Variants in INPP4B observed in about 807,000 individuals in gnomAD.
INPP4B encodes the protein inositol polyphosphate-4-phosphatase type II B.
INPP4B carries 55 observed loss-of-function variants against 122.5 expected under a neutral mutation model. That is an observed-to-expected ratio of 0.45 (90% CI 0.36 to 0.56). INPP4B has a LOEUF of 0.56. INPP4B is among the 20% of genes least tolerant of loss of function. INPP4B has a pLI of 0.00. For synonymous variants in INPP4B, 403 were observed against 388.7 expected, an observed-to-expected ratio of 1.04 and a Z score of -0.43; for missense variants, 1,000 against 1,097.7, an observed-to-expected ratio of 0.91 and a Z score of 1.26.
At chr4:142,588,063 AC>A (rs1736622577) in intron 2 of INPP4B, among the ~76,000 whole-genome samples, 1 of 151,956 alleles carries the variant, frequency 6.6e-6, no homozygotes, top group Non-Finnish European at 1.5e-5. Flanking sequence ...AATAAGAAAA[AC>A]GATATGATTT....
At chr4:142,473,194 C>G (rs1004533482) in intron 2 of INPP4B, 2 of 152,176 alleles carry the variant, frequency 1.3e-5, no homozygotes, top group Admixed American at 6.5e-5. Context: ...AAATGGCAGA[C>G]TAGAAGCCGC....
chr4:142,036,568 G>A (rs1744105494), intron 25 of INPP4B, among the ~76,000 whole-genome samples: 1 of 151,996 alleles, frequency 6.6e-6, no homozygotes, highest in East Asian at 1.9e-4. Flanking sequence ...TATGCCAGAT[G>A]GCTTTATTTT....
At chr4:142,808,097 A>G (rs145363991) in intron 1 of INPP4B, among the ~76,000 whole-genome samples, 2 of 138,182 alleles carry the variant, frequency 1.4e-5, no homozygotes, top group East Asian at 4.1e-4. Flanking sequence ...GACCTTCATG[A>G]TAAAATACAC....
intron 2 of INPP4B, among the ~76,000 whole-genome samples, chr4:142,610,426 T>C (rs1354649614): frequency 6.6e-6 from 1 of 152,154 alleles, no homozygotes; most frequent in Non-Finnish European, 1.5e-5. Flanking sequence ...CATCTGAGGG[T>C]AGTGACTACT....
intron 7 of INPP4B, among the ~76,000 whole-genome samples, chr4:142,342,687 T>C (rs1226682393): frequency 6.6e-6 from 1 of 152,170 alleles, no homozygotes; most frequent in East Asian, 1.9e-4. Context: ...AGCATTTTCA[T>C]AATATGTAAC....
intron 2 of INPP4B, among the ~76,000 whole-genome samples, chr4:142,512,432 A>G (rs140239392): frequency 3.9e-4 from 59 of 152,312 alleles, no homozygotes; most frequent in Admixed American, 2.9e-3. Flanking sequence ...TTCCAAGTGA[A>G]TCACCATTTG....
intron 23 of INPP4B, among the ~76,000 whole-genome samples, chr4:142,103,502 G>A (rs1298802812): frequency 1.3e-5 from 2 of 151,874 alleles, no homozygotes; most frequent in Non-Finnish European, 2.9e-5. Context: ...ACTATACAAC[G>A]AGTGTCAGAA....
rs141127197 is a variant in INPP4B at position 142,416,166 on chromosome 4, G to A, written c.137-10842C>T. The stretch of plus-strand genomic sequence containing the variant: ...CTTAAAGTATAATAAAAAAAATAGT[G>A]TCAGGCAGGTATTTAGGAGTTTGAG... On this transcript the variant is annotated intron_variant, in intron 5 of 25. Coordinates refer to ENST00000262992, the MANE Select transcript of INPP4B (RefSeq NM_001101669.3). Among the ~76,000 whole-genome samples, 22 of 152,110 alleles carry A rather than the reference G, an allele frequency of 1.4e-4. No individual in the cohort carries two copies. The East Asian group carries it at 4.3e-3, about 29-fold the overall frequency.
chr4:142,599,411 C>T (rs924417353), intron 2 of INPP4B, among the ~76,000 whole-genome samples: 1 of 152,196 alleles, frequency 6.6e-6, no homozygotes, highest in African/African-American at 2.4e-5. Context: ...ATCACAGATA[C>T]TACTGATGCT....
chr4:142,769,915 A>G (rs1580872968), intron 1 of INPP4B, among the ~76,000 whole-genome samples: 1 of 152,270 alleles, frequency 6.6e-6, no homozygotes, highest in East Asian at 1.9e-4. Flanking sequence ...CCCTGTCTCA[A>G]AAAAATAAAA....
chr4:142,675,139 T>C (rs942611302), intron 2 of INPP4B, among the ~76,000 whole-genome samples: 1 of 151,664 alleles, frequency 6.6e-6, no homozygotes, highest in Non-Finnish European at 1.5e-5. Context: ...AAGAATCAAA[T>C]AGATGCAATG....
At chr4:142,711,041 C>T (rs2150795606) in intron 2 of INPP4B, among the ~76,000 whole-genome samples, 1 of 152,302 alleles carries the variant, frequency 6.6e-6, no homozygotes, top group South Asian at 2.1e-4. Flanking sequence ...TGCAACATGT[C>T]CCTTCCAACA....
At chr4:142,353,449 TG>T (rs1228413938) in intron 7 of INPP4B, among the ~76,000 whole-genome samples, 3 of 152,024 alleles carry the variant, frequency 2.0e-5, no homozygotes, top group Non-Finnish European at 4.4e-5. Flanking sequence ...TTTGTGGGAC[TG>T]AAGCTTTCAG....
intron 1 of INPP4B, among the ~76,000 whole-genome samples, chr4:142,819,251 C>T (rs1043269718): frequency 2.0e-5 from 3 of 152,186 alleles, no homozygotes; most frequent in Non-Finnish European, 4.4e-5. Context: ...AGACCAAAAG[C>T]CCTAAAGGGC....
At chr4:142,776,486 A>C (rs1773939826) in intron 1 of INPP4B, among the ~76,000 whole-genome samples, 1 of 152,140 alleles carries the variant, frequency 6.6e-6, no homozygotes, top group Admixed American at 6.6e-5. Context: ...GAAGCTAATG[A>C]AGCTTCAGTG....
intron 2 of INPP4B, among the ~76,000 whole-genome samples, chr4:142,556,999 G>T (rs1002507567): frequency 4.6e-5 from 7 of 152,084 alleles, no homozygotes; most frequent in Non-Finnish European, 1.0e-4. Context: ...AAGCTGCCCT[G>T]TCGTGACCAC....
intron 2 of INPP4B, among the ~76,000 whole-genome samples, chr4:142,636,768 T>A (rs759007881): frequency 1.4e-4 from 21 of 152,130 alleles, no homozygotes; most frequent in Admixed American, 3.9e-4. Context: ...GTCCATTTAT[T>A]AGCTCCCTTT....
chr4:142,354,862 C>T (rs556273866), intron 7 of INPP4B, among the ~76,000 whole-genome samples: 16 of 152,046 alleles, frequency 1.1e-4, no homozygotes, highest in African/African-American at 3.1e-4. Context: ...TATAACAAAG[C>T]GAGGACTTAA....
chr4:142,588,574 AT>A (rs1736733596), intron 2 of INPP4B, among the ~76,000 whole-genome samples: 1 of 149,578 alleles, frequency 6.7e-6, no homozygotes, highest in Non-Finnish European at 1.5e-5. Flanking sequence ...TATAAATTTT[AT>A]AATTTTTAAG....
Sources: allele counts gnomAD v4.1 joint callset (sites outside exome capture counted in the v4.1 genomes callset), GRCh38; gene constraint gnomAD v4.1.1; transcripts MANE v1.5; gene names NCBI Gene and HGNC (gene_info 2026-07-23, HGNC 2026-07-21).